Variants in YIPF6 observed in about 807,000 individuals in gnomAD.
The protein encoded by YIPF6 is Yip1 domain family member 6, also known as protein YIPF6.
A neutral mutation model predicts 16.8 loss-of-function variants in YIPF6; 3 were observed. That is an observed-to-expected ratio of 0.18 (90% CI 0.08 to 0.46). The LOEUF (loss-of-function observed/expected upper bound fraction) is 0.46. Ranked by LOEUF, YIPF6 falls within the 20% of genes least tolerant of loss-of-function variation. The pLI, the probability that YIPF6 is intolerant of heterozygous loss-of-function variation, is 0.98. For synonymous variants in YIPF6, 67 were observed against 61.9 expected (o/e 1.08, Z -0.38); for missense variants, 145 against 184.9 (o/e 0.78, Z 1.25).
chrX:68,511,516 GAC>G (rs1249351624), intron 1 of YIPF6, among the ~76,000 whole-genome samples: 2 of 112,110 alleles, frequency 1.8e-5, no homozygotes, highest in African/African-American at 6.5e-5. Flanking sequence ...GCCATTCTAA[GAC>G]AGTGATTGCT....
At chrX:68,527,945 T>C (rs1339591802) in intron 6 of YIPF6, among the ~76,000 whole-genome samples, 1 of 111,806 alleles carries the variant, frequency 8.9e-6, no homozygotes, top group Non-Finnish European at 1.9e-5. Flanking sequence ...AAGTGTGATG[T>C]GGTGCTGAGA....
chrX:68,511,721 G>C, intron 1 of YIPF6, 128 bp from the exon 2 acceptor site: 4 of 708,471 alleles, frequency 5.6e-6, no homozygotes, highest in Non-Finnish European at 8.0e-6. Context: ...TGTCTGTTGA[G>C]CTAACACCTA....
chrX:68,513,406 G>A lies in YIPF6; in HGVS notation c.265+1G>A. On this transcript the variant is annotated splice_donor_variant, in intron 3 of 6. Coordinates refer to ENST00000462683, the MANE Select transcript of YIPF6 (RefSeq NM_173834.4). LOFTEE classifies it high-confidence loss of function. ...AAAAGTAATACTCTTTTGAGAGATT[G>A]TAAGTATATGAGGTTTTTAAGGGTT... The A allele has an allele frequency of 8.4e-7, 1 of 1,186,436 alleles. No homozygotes were observed. The highest frequency in any genetic ancestry group is 1.1e-6 in the Non-Finnish European group (1 of 878,783).
At chrX:68,519,127 A>G (rs925397188) in intron 4 of YIPF6, among the ~76,000 whole-genome samples, 1 of 112,030 alleles carries the variant, frequency 8.9e-6, no homozygotes, top group South Asian at 3.7e-4. Flanking sequence ...AGGTTTAAGC[A>G]CCCTTTGTTT....
chrX:68,512,360 C>G (rs1348076975), intron 2 of YIPF6, among the ~76,000 whole-genome samples: 2 of 109,541 alleles, frequency 1.8e-5, no homozygotes, highest in Non-Finnish European at 3.8e-5. Context: ...GCTTGGGAGA[C>G]TGAATCGCTT....
intron 5 of YIPF6, 33 bp from the exon 6 acceptor site, chrX:68,522,727 T>A: frequency 1.7e-6 from 2 of 1,169,105 alleles, no homozygotes; most frequent in South Asian, 3.8e-5. Flanking sequence ...TCAGTTGTAT[T>A]TATGATCTTT....
chrX:68,507,879 C>T (rs2079065936), intron 1 of YIPF6, among the ~76,000 whole-genome samples: 1 of 111,113 alleles, frequency 9.0e-6, no homozygotes, highest in African/African-American at 3.3e-5. Context: ...GCTCAGATTA[C>T]AGGCGTGAGC....
rs186209578 is a variant in YIPF6, at chrX:68,509,938, C to T, written c.58-1911C>T. ...ACTCTTGTGCTGATCCATACTTGGACTTTAGCAATTTATTTAAAATTTTAT... is the reference window on the plus strand; with the variant it reads ...ACTCTTGTGCTGATCCATACTTGGATTTTAGCAATTTATTTAAAATTTTAT... On this transcript the variant is annotated intron_variant, in intron 1 of 6. Coordinates refer to ENST00000462683, the MANE Select transcript of YIPF6 (RefSeq NM_173834.4). Among the ~76,000 whole-genome samples, 622 of 111,675 alleles carry T rather than the reference C, an allele frequency of 5.6e-3. 3 individuals are homozygous for T. The highest frequency in any genetic ancestry group is 0.019 in the African/African-American group (599 of 30,771).
At position 68,534,959 on chromosome X, in the gene YIPF6, T is replaced by C. The variant is rs1465429970; in HGVS notation, c.*2960T>C. ...TCCTACTTCTGAGACCAAGACTCTT[T>C]TGTCATATTCTTTAGCAATAGGACG... On this transcript the variant is annotated 3_prime_UTR_variant, in exon 7 of 7. Transcript: ENST00000462683. The C allele has an allele frequency of 8.9e-6, 1 of 112,489 alleles. No individual in the cohort carries two copies. The highest frequency in any genetic ancestry group is 1.9e-5 in the Non-Finnish European group (1 of 53,350). 9.3% of individuals were successfully genotyped at this position (112,489 alleles called of 1,213,427 possible). A position where few individuals can be genotyped will look rare whatever the true frequency, so the allele number is the denominator to read the frequency against.
intron 6 of YIPF6, 61 bp downstream of exon 6, chrX:68,522,978 A>G: frequency 8.6e-7 from 1 of 1,169,185 alleles, no homozygotes; most frequent in East Asian, 3.0e-5. Flanking sequence ...AATGATGAAG[A>G]CCAGATGAGG....
chrX:68,513,224 G>T (rs1278448605), intron 2 of YIPF6, 103 bp from the exon 3 acceptor site: 1 of 574,100 alleles, frequency 1.7e-6, no homozygotes, highest in East Asian at 3.8e-5. Context: ...AAAATTCAGT[G>T]AAGAGTTCAC....
rs754630241 is a variant in YIPF6 at position 68,532,821 on chromosome X, C to A, written c.*822C>A. 8.9e-6 allele frequency: 1 copy of A among 112,016 alleles called. No homozygotes were observed. The highest frequency in any genetic ancestry group is 9.5e-5 in the Admixed American group (1 of 10,527). The allele number at this position is 112,016 out of a possible 1,213,427, so 9.2% of individuals were successfully genotyped here. A position where few individuals can be genotyped will look rare whatever the true frequency, so the allele number is the denominator to read the frequency against. On this transcript the variant is annotated 3_prime_UTR_variant, in exon 7 of 7. Coordinates refer to ENST00000462683, the MANE Select transcript of YIPF6 (RefSeq NM_173834.4). ...TGCTGGAACTTATCCAAAAAGAAGA[C>A]CTCAGAAACTTAGATTGGTAGATCT...
chrX:68,511,406 CCT>C (rs1280574559), intron 1 of YIPF6, among the ~76,000 whole-genome samples: 1 of 112,025 alleles, frequency 8.9e-6, no homozygotes, highest in Non-Finnish European at 1.9e-5. Flanking sequence ...TTGCTATTTC[CCT>C]GTTTCCCGCA....
intron 6 of YIPF6, among the ~76,000 whole-genome samples, chrX:68,528,383 G>A (rs977874618): frequency 6.3e-5 from 7 of 111,307 alleles, no homozygotes; most frequent in Admixed American, 1.9e-4. Flanking sequence ...GTCTTTGCAC[G>A]TGATATGGGT....
At chrX:68,505,003 T>G (rs2079054384) in intron 1 of YIPF6, among the ~76,000 whole-genome samples, 1 of 112,161 alleles carries the variant, frequency 8.9e-6, no homozygotes. Context: ...TTTTTCCTAC[T>G]GTACTACAAT....
At chrX:68,499,304 C>A in intron 1 of YIPF6, 181 bp downstream of exon 1, 1 of 548,739 alleles carries the variant, frequency 1.8e-6, no homozygotes, top group Non-Finnish European at 2.8e-6. Context: ...CGCTTTGCCC[C>A]CTGCCCTCGT....
At chrX:68,515,715 C>T (rs1447858836) in intron 3 of YIPF6, among the ~76,000 whole-genome samples, 3 of 110,139 alleles carry the variant, frequency 2.7e-5, no homozygotes, top group Non-Finnish European at 5.7e-5. Flanking sequence ...GTCACTCAGG[C>T]TGGAATGCAG....
At chrX:68,504,785 A>G (rs1005302288) in intron 1 of YIPF6, among the ~76,000 whole-genome samples, 2 of 112,163 alleles carry the variant, frequency 1.8e-5, no homozygotes, top group Non-Finnish European at 3.8e-5. Context: ...ACTGAAGCAC[A>G]GAGAGGCTAA....
At chrX:68,501,671 A>G (rs1353799136) in intron 1 of YIPF6, among the ~76,000 whole-genome samples, 2 of 112,073 alleles carry the variant, frequency 1.8e-5, no homozygotes, top group African/African-American at 6.5e-5. Flanking sequence ...ATATATATCC[A>G]TTTGTGCTAC....
Sources: allele counts gnomAD v4.1 joint callset (sites outside exome capture counted in the v4.1 genomes callset), GRCh38; gene constraint gnomAD v4.1.1; transcripts MANE v1.5; gene names NCBI Gene and HGNC (gene_info 2026-07-23, HGNC 2026-07-21).